The following GRIK2 variants were observed in gnomAD, a reference collection of about 807,000 sequenced individuals.
GRIK2 encodes glutamate receptor ionotropic, kainate 2.
GRIK2 carries 32 observed loss-of-function variants against 100.3 expected under a neutral mutation model. The observed-to-expected ratio is 0.32, with a 90% CI of 0.24 to 0.43. The LOEUF is 0.43. Among genes scored for constraint, GRIK2 ranks in the 20% least tolerant of loss-of-function variants. The pLI is 1.00. For missense variants in GRIK2, 843 were observed against 1,114.9 expected (o/e 0.76, Z 3.47); for synonymous variants, 417 against 389.4 (o/e 1.07, Z -0.83).
chr6:101,543,059 T>C (rs996474723), intron 2 of GRIK2, among the ~76,000 whole-genome samples: 3 of 152,154 alleles, frequency 2.0e-5, no homozygotes, highest in Non-Finnish European at 4.4e-5. Context: ...TTGTAATATA[T>C]GCTTAGGAAC....
At chr6:101,774,865 T>TAC (rs397826264) in intron 7 of GRIK2, among the ~76,000 whole-genome samples, 4 of 151,846 alleles carry the variant, frequency 2.6e-5, no homozygotes, top group Admixed American at 2.6e-4. Flanking sequence ...GATATATATA[T>TAC]CAGAAAGAAA....
intron 2 of GRIK2, among the ~76,000 whole-genome samples, chr6:101,521,775 C>G (rs1774894248): frequency 6.6e-6 from 1 of 151,400 alleles, no homozygotes; most frequent in Non-Finnish European, 1.5e-5. Context: ...ATGTCTGTTC[C>G]TTCCCCCTTA....
At chr6:101,875,771 C>T (rs1349355077) in intron 11 of GRIK2, among the ~76,000 whole-genome samples, 1 of 151,544 alleles carries the variant, frequency 6.6e-6, no homozygotes, top group African/African-American at 2.4e-5. Flanking sequence ...TATTGATAAC[C>T]AATATTTTAC....
rs185658913 is a variant in GRIK2 at position 101,900,282 on chromosome 6, T to C, written c.1748+10419T>C. On this transcript the variant is annotated intron_variant, in intron 12 of 16. Coordinates refer to ENST00000369134, the MANE Select transcript of GRIK2 (RefSeq NM_021956.5). ...GAGTTCAAGACCAGCCTGACCAACATAGAGAAACCCCGTCTCCACTAAAAA... is the reference window on the plus strand; with the variant it reads ...GAGTTCAAGACCAGCCTGACCAACACAGAGAAACCCCGTCTCCACTAAAAA... Among the ~76,000 whole-genome samples the C allele has an allele frequency of 2.8e-3, 426 of 151,998 alleles. 1 individual carries two copies. The highest frequency in any genetic ancestry group is 1.0e-2 in the African/African-American group (413 of 41,466).
intron 2 of GRIK2, among the ~76,000 whole-genome samples, chr6:101,401,937 TAGGCGCCGGCAGCCGCC>T (rs1398928618): frequency 1.3e-5 from 2 of 152,040 alleles, no homozygotes; most frequent in Admixed American, 6.6e-5. Flanking sequence ...TTGGCGTGGC[TAGGCGCCGGCAGCCGCC>T]AGGCGCCTCC....
At chr6:101,862,730 T>C (rs1231896415) in intron 11 of GRIK2, among the ~76,000 whole-genome samples, 5 of 152,112 alleles carry the variant, frequency 3.3e-5, no homozygotes, top group Non-Finnish European at 5.9e-5. Flanking sequence ...TGGCTTCAAA[T>C]ACACTTGAAA....
intron 15 of GRIK2, among the ~76,000 whole-genome samples, chr6:102,040,910 G>T (rs1770531698): frequency 1.3e-5 from 2 of 151,548 alleles, no homozygotes; most frequent in Non-Finnish European, 3.0e-5. Flanking sequence ...CCATTAAAAT[G>T]CATTCTATTT....
chr6:101,600,659 T>C (rs11156144), intron 2 of GRIK2, among the ~76,000 whole-genome samples: 10,666 of 144,738 alleles, frequency 0.074, 406 homozygotes, highest in African/African-American at 0.1. Flanking sequence ...TTTTTGTGGA[T>C]TTTTTTTAAG....
chr6:101,574,045 A>G (rs1777679134), intron 2 of GRIK2, among the ~76,000 whole-genome samples: 1 of 151,758 alleles, frequency 6.6e-6, no homozygotes, highest in Non-Finnish European at 1.5e-5. Context: ...CAAAATTTTA[A>G]TTTATACTGA....
Position 101,622,063 on chromosome 6 carries a change from C to T in GRIK2, c.230C>T (p.Thr77Ile). Residue 77 changes from threonine to isoleucine, a missense_variant, in exon 3 of 17, where the codon ACC becomes ATC. Transcript: ENST00000369134. ...ACATTGCTACCCAATACTACCCTTACCTATGATACCCAGAAGATAAACCTT... is the reference window on the plus strand; with the variant it reads ...ACATTGCTACCCAATACTACCCTTATCTATGATACCCAGAAGATAAACCTT... The part of the protein sequence containing the change: ...NRTLLPNTTL[T>I]YDTQKINLYD... The T allele has an allele frequency of 6.2e-7, 1 of 1,602,558 alleles. No individual in the cohort carries two copies. The highest frequency in any genetic ancestry group is 8.5e-7 in the Non-Finnish European group (1 of 1,169,734).
At chr6:102,017,169 A>G (rs1305677268) in intron 14 of GRIK2, among the ~76,000 whole-genome samples, 1 of 152,220 alleles carries the variant, frequency 6.6e-6, no homozygotes, top group Non-Finnish European at 1.5e-5. Context: ...TCACTACAAA[A>G]CACACTTGTA....
intron 2 of GRIK2, among the ~76,000 whole-genome samples, chr6:101,503,445 C>T (rs1773870830): frequency 6.6e-6 from 1 of 152,064 alleles, no homozygotes; most frequent in Non-Finnish European, 1.5e-5. Context: ...AATATGTCAT[C>T]CTATCCAAAG....
intron 10 of GRIK2, among the ~76,000 whole-genome samples, chr6:101,850,157 T>C (rs1185427944): frequency 6.6e-6 from 1 of 152,014 alleles, no homozygotes; most frequent in Non-Finnish European, 1.5e-5. Context: ...TGATAACTAA[T>C]GAAGCAAAGT....
At chr6:101,444,063 G>A (rs1274235472) in intron 2 of GRIK2, among the ~76,000 whole-genome samples, 1 of 148,006 alleles carries the variant, frequency 6.8e-6, no homozygotes, top group Non-Finnish European at 1.5e-5. Flanking sequence ...CTGATTTTCC[G>A]GGTTTTTTTG....
intron 14 of GRIK2, among the ~76,000 whole-genome samples, chr6:102,033,674 A>AAAAC (rs1406848014): frequency 6.6e-6 from 1 of 151,340 alleles, no homozygotes; most frequent in Non-Finnish European, 1.5e-5. Context: ...TATGAGAACT[A>AAAAC]AAACAGTTTG....
At chr6:101,512,720 G>A (rs1011939729) in intron 2 of GRIK2, among the ~76,000 whole-genome samples, 1 of 151,414 alleles carries the variant, frequency 6.6e-6, no homozygotes, top group Non-Finnish European at 1.5e-5. Flanking sequence ...AAAATAATCA[G>A]CAAAGCTCTG....
intron 7 of GRIK2, among the ~76,000 whole-genome samples, chr6:101,695,704 T>C (rs968226686): frequency 6.6e-6 from 1 of 152,028 alleles, no homozygotes; most frequent in African/African-American, 2.4e-5. Context: ...CCATCATAAG[T>C]TGAAAATATC....
intron 2 of GRIK2, among the ~76,000 whole-genome samples, chr6:101,476,991 T>C (rs1772268252): frequency 6.6e-6 from 1 of 152,202 alleles, no homozygotes; most frequent in Non-Finnish European, 1.5e-5. Context: ...AAACAATGGT[T>C]AATTTAAATA....
chr6:101,462,625 G>T (rs1771386675), intron 2 of GRIK2, among the ~76,000 whole-genome samples: 2 of 152,148 alleles, frequency 1.3e-5, no homozygotes, highest in African/African-American at 4.8e-5. Flanking sequence ...TTTTATCTGT[G>T]CTCCTGGGAG....
Sources: gnomAD v4.1 joint callset for allele counts (sites outside exome capture counted in the v4.1 genomes callset) on GRCh38, gnomAD v4.1.1 for gene constraint, MANE v1.5 for transcripts, NCBI Gene and HGNC (gene_info 2026-07-23, HGNC 2026-07-21) for gene names.